The following GRM8 variants were observed in gnomAD, a reference collection of about 807,000 sequenced individuals.
GRM8 encodes glutamate metabotropic receptor 8.
GRM8 carries 47 observed loss-of-function variants against 87.2 expected under a neutral mutation model. That is an observed-to-expected ratio of 0.54 (90% confidence interval 0.43 to 0.69). The LOEUF (loss-of-function observed/expected upper bound fraction) is 0.69. GRM8 is among the 30% of genes least tolerant of loss of function. The pLI is 0.00. For synonymous variants in GRM8, 396 were observed against 404.5 expected (o/e 0.98, Z 0.25); for missense variants, 1,019 against 1,139.2 (o/e 0.89, Z 1.52).
chr7:126,586,827 A>C (rs1208614184), intron 8 of GRM8, among the ~76,000 whole-genome samples: 1 of 152,176 alleles, frequency 6.6e-6, no homozygotes, highest in African/African-American at 2.4e-5. Flanking sequence ...AAAATTGACA[A>C]ATGGGATCTA....
At position 127,026,310 on chromosome 7, in the gene GRM8, C is replaced by T. The variant is rs543369737; in HGVS notation, c.727+80186G>A. Among the ~76,000 whole-genome samples, 13 of 152,182 alleles carry T rather than the reference C, an allele frequency of 8.5e-5. No homozygotes were observed. In the East Asian group the frequency reaches 1.2e-3, roughly 14 times the overall value. On this transcript the variant is annotated intron_variant, in intron 3 of 10. Coordinates refer to ENST00000339582, the MANE Select transcript of GRM8 (RefSeq NM_000845.3). ...TGGGAATAGTGCCACAATAAACATA[C>T]GTGTGCATGTGTCTTTATAGTAGAA...
chr7:126,950,573 C>T (rs1268573343), intron 3 of GRM8, among the ~76,000 whole-genome samples: 1 of 151,774 alleles, frequency 6.6e-6, no homozygotes, highest in Non-Finnish European at 1.5e-5. Context: ...TGTATATAAA[C>T]CAAAGCATCA....
chr7:126,773,514 T>C (rs1486820834), intron 6 of GRM8, among the ~76,000 whole-genome samples: 1 of 152,186 alleles, frequency 6.6e-6, no homozygotes, highest in Admixed American at 6.5e-5. Context: ...TAATATATTA[T>C]CATTTTAGTG....
At chr7:126,845,280 T>G (rs184196921) in intron 6 of GRM8, among the ~76,000 whole-genome samples, 1 of 152,170 alleles carries the variant, frequency 6.6e-6, no homozygotes, top group African/African-American at 2.4e-5. Context: ...TGGAGAAAAA[T>G]AGTTCACGAA....
At chr7:127,235,293 G>C (rs1041309754) in intron 2 of GRM8, among the ~76,000 whole-genome samples, 1 of 152,224 alleles carries the variant, frequency 6.6e-6, no homozygotes, top group African/African-American at 2.4e-5. Flanking sequence ...CTCCGCCCAA[G>C]AGTCATGGTG....
chr7:126,766,292 T>C (rs564608280), intron 7 of GRM8, among the ~76,000 whole-genome samples: 1 of 152,228 alleles, frequency 6.6e-6, no homozygotes, highest in African/African-American at 2.4e-5. Flanking sequence ...CACCTTCTGC[T>C]CCTATAAACT....
chr7:126,521,222 A>T (rs1812936834), intron 9 of GRM8, among the ~76,000 whole-genome samples: 1 of 152,184 alleles, frequency 6.6e-6, no homozygotes, highest in South Asian at 2.1e-4. Context: ...GTGTATATTC[A>T]AAAAGGTTAT....
At chr7:126,748,855 TTA>T in intron 7 of GRM8, among the ~76,000 whole-genome samples, 1 of 152,146 alleles carries the variant, frequency 6.6e-6, no homozygotes, top group East Asian at 1.9e-4. Flanking sequence ...TTCAACTGAT[TTA>T]CAACAAAAGT....
chr7:126,614,048 G>A (rs1187262879), intron 7 of GRM8, among the ~76,000 whole-genome samples: 3 of 152,206 alleles, frequency 2.0e-5, no homozygotes, highest in Non-Finnish European at 4.4e-5. Flanking sequence ...CCAGCACGGA[G>A]TTTGAGATCT....
intron 8 of GRM8, among the ~76,000 whole-genome samples, chr7:126,566,730 T>C (rs918953049): frequency 6.6e-6 from 1 of 152,214 alleles, no homozygotes; most frequent in African/African-American, 2.4e-5. Flanking sequence ...TTAGTATTCC[T>C]ATCTTCACCA....
At chr7:126,838,392 G>A (rs910538493) in intron 6 of GRM8, among the ~76,000 whole-genome samples, 2 of 152,130 alleles carry the variant, frequency 1.3e-5, no homozygotes, top group African/African-American at 2.4e-5. Context: ...ATTCAACACT[G>A]AGGTACTGAA....
At chr7:126,829,831 C>T (rs1340220460) in intron 6 of GRM8, among the ~76,000 whole-genome samples, 3 of 151,934 alleles carry the variant, frequency 2.0e-5, no homozygotes, top group Non-Finnish European at 1.5e-5. Context: ...GATTTTGCAG[C>T]GGCTGGTACC....
chr7:126,619,883 G>A (rs757586281), intron 7 of GRM8, among the ~76,000 whole-genome samples: 5 of 152,018 alleles, frequency 3.3e-5, no homozygotes, highest in Non-Finnish European at 7.4e-5. Flanking sequence ...GTAGACATAG[G>A]GTTTTGCATG....
intron 7 of GRM8, among the ~76,000 whole-genome samples, chr7:126,750,671 T>C (rs1400702249): frequency 2.6e-5 from 4 of 152,104 alleles, no homozygotes; most frequent in African/African-American, 7.2e-5. Flanking sequence ...CGACTCTTTT[T>C]TTGGCTTTTG....
At chr7:126,667,682 A>T (rs1292731928) in intron 7 of GRM8, among the ~76,000 whole-genome samples, 1 of 152,228 alleles carries the variant, frequency 6.6e-6, no homozygotes, top group African/African-American at 2.4e-5. Flanking sequence ...CTGGTGAGCC[A>T]GGCCCAAGAC....
At position 126,897,830 on chromosome 7, in the gene GRM8, C is replaced by T. The variant is rs911237947; in HGVS notation, c.1156+4712G>A. Among the ~76,000 whole-genome samples the T allele has an allele frequency of 3.3e-5, 5 of 152,198 alleles. No homozygotes were observed. In the South Asian group the frequency reaches 6.2e-4, roughly 19 times the overall value. ...TCAAAAGTTAGCAGTAATATCACATCTTTTTGAAAGCTTTCCTGAGATTCT... is the reference window on the plus strand; with the variant it reads ...TCAAAAGTTAGCAGTAATATCACATTTTTTTGAAAGCTTTCCTGAGATTCT... On this transcript the variant is annotated intron_variant, in intron 6 of 10. Coordinates refer to ENST00000339582, the MANE Select transcript of GRM8 (RefSeq NM_000845.3).
rs575226852 is a variant in GRM8, at chr7:126,438,642, T to C, written c.*477A>G. ...TTTATTATTAGAAATAAATTATTTGTATAAAAAATTGCATGCATCAATCAT... is the reference window on the plus strand; with the variant it reads ...TTTATTATTAGAAATAAATTATTTGCATAAAAAATTGCATGCATCAATCAT... On this transcript the variant is annotated 3_prime_UTR_variant, in exon 11 of 11. Coordinates refer to ENST00000339582, the MANE Select transcript of GRM8 (RefSeq NM_000845.3). 1 of 152,816 alleles carries C rather than the reference T, an allele frequency of 6.5e-6. No individual in the cohort carries two copies. The highest frequency in any genetic ancestry group is 6.5e-5 in the Admixed American group (1 of 15,274). The allele number at this position is 152,816 out of a possible 1,614,324, so 9.5% of individuals were successfully genotyped here.
chr7:127,243,848 G>GTTTTTT (rs5887332), intron 1 of GRM8, among the ~76,000 whole-genome samples: 5 of 140,974 alleles, frequency 3.5e-5, no homozygotes, highest in African/African-American at 1.0e-4. Context: ...TTTCAAATCT[G>GTTTTTT]TTTTTTTTTT....
intron 4 of GRM8, 76 bp downstream of exon 4, chr7:126,904,472 T>A: frequency 1.4e-6 from 2 of 1,392,162 alleles, no homozygotes; most frequent in Non-Finnish European, 2.0e-6. Flanking sequence ...AGCTTTTATG[T>A]TGAACATGAA....
Sources: gnomAD v4.1 joint callset for allele counts (sites outside exome capture counted in the v4.1 genomes callset) on GRCh38, gnomAD v4.1.1 for gene constraint, MANE v1.5 for transcripts, NCBI Gene and HGNC (gene_info 2026-07-23, HGNC 2026-07-21) for gene names.